KAZN: variants seen among roughly 807,000 people sequenced by gnomAD.
KAZN encodes the protein kazrin.
Under a neutral mutation model 87.4 loss-of-function variants are expected in KAZN, and 40 were observed. That is an observed-to-expected ratio of 0.46 (90% CI 0.36 to 0.60). The LOEUF (loss-of-function observed/expected upper bound fraction) is 0.60, where lower values mean the gene tolerates loss of function less well. Ranked by LOEUF, KAZN falls within the 20% of genes least tolerant of loss-of-function variation. KAZN has a pLI of 0.00. For synonymous variants in KAZN, 466 were observed against 458.3 expected, an observed-to-expected ratio of 1.02 and a Z score of -0.22; for missense variants, 898 against 1,073.9, an observed-to-expected ratio of 0.84 and a Z score of 2.29.
intron 1 of KAZN, among the ~76,000 whole-genome samples, chr1:14,177,235 A>C (rs563946): frequency 1.3e-5 from 2 of 152,006 alleles, no homozygotes; most frequent in African/African-American, 4.8e-5. Context: ...ACTCTATGTA[A>C]GTTATCAACC....
intron 1 of KAZN, among the ~76,000 whole-genome samples, chr1:14,793,258 G>A (rs1180542865): frequency 6.6e-6 from 1 of 152,136 alleles, no homozygotes; most frequent in Non-Finnish European, 1.5e-5. Flanking sequence ...GGGTAGCCTG[G>A]CTTTGCTAGA....
chr1:14,046,803 C>G (rs1642094907), intron 1 of KAZN, among the ~76,000 whole-genome samples: 1 of 152,236 alleles, frequency 6.6e-6, no homozygotes, highest in South Asian at 2.1e-4. Context: ...CATCTGGCAG[C>G]AGGCCCTGTG....
intron 1 of KAZN, among the ~76,000 whole-genome samples, chr1:14,047,071 G>A (rs1054602100): frequency 6.6e-6 from 1 of 152,070 alleles, no homozygotes; most frequent in Non-Finnish European, 1.5e-5. Context: ...CTGTGCATTC[G>A]TTCATCCTTC....
intron 2 of KAZN, among the ~76,000 whole-genome samples, chr1:14,325,508 C>T (rs185223344): frequency 1.3e-5 from 2 of 152,162 alleles, no homozygotes; most frequent in East Asian, 1.9e-4. Context: ...AGCATACCAA[C>T]ATGTGCATGG....
intron 1 of KAZN, among the ~76,000 whole-genome samples, chr1:14,669,742 G>A (rs975908404): frequency 2.0e-5 from 3 of 152,150 alleles, no homozygotes; most frequent in African/African-American, 7.2e-5. Flanking sequence ...ATGAGAGCCT[G>A]TCTCTAAGAA....
intron 2 of KAZN, among the ~76,000 whole-genome samples, chr1:14,263,369 G>C (rs975420633): frequency 2.0e-5 from 3 of 152,200 alleles, no homozygotes; most frequent in Non-Finnish European, 4.4e-5. Flanking sequence ...CTCATTTTTA[G>C]ATGGCAAGCT....
At chr1:14,800,036 C>T (rs939184013) in intron 1 of KAZN, among the ~76,000 whole-genome samples, 1 of 152,114 alleles carries the variant, frequency 6.6e-6, no homozygotes. Context: ...GTATGAGTGT[C>T]GTGGGGACTC....
intron 1 of KAZN, among the ~76,000 whole-genome samples, chr1:14,887,453 T>C (rs1572734785): frequency 6.6e-6 from 1 of 152,338 alleles, no homozygotes; most frequent in Non-Finnish European, 1.5e-5. Flanking sequence ...GTCAGCAAGC[T>C]AGGGGTACCA....
chr1:14,542,363 G>T (rs376234019), intron 2 of KAZN, among the ~76,000 whole-genome samples: 1 of 151,744 alleles, frequency 6.6e-6, no homozygotes, highest in South Asian at 2.1e-4. Context: ...GTTAATGGGT[G>T]CAGCACACCA....
chr1:14,335,825 A>T lies in KAZN; in HGVS notation c.249+155233A>T, dbSNP rs139258018. Among the ~76,000 whole-genome samples, 1,015 of 152,298 alleles carry T rather than the reference A, an allele frequency of 6.7e-3. 13 individuals are homozygous for T. Among genetic ancestry groups the T allele is most frequent in the African/African-American group, 0.023 (964 of 41,552 alleles). ...GAGATGGAAGGACAGAAAGTCAGAG[A>T]AACAGATGGACAGGGAAGCTCTCAC... On this transcript the variant is annotated intron_variant, in intron 2 of 16. Transcript: ENST00000636203.
chr1:14,102,221 T>C (rs1457944218), intron 1 of KAZN, among the ~76,000 whole-genome samples: 2 of 151,928 alleles, frequency 1.3e-5, no homozygotes, highest in Middle Eastern at 3.2e-3. Flanking sequence ...TGGGTTTACG[T>C]GCCCACAGGG....
chr1:14,880,649 G>T (rs192423434), intron 1 of KAZN, among the ~76,000 whole-genome samples: 1 of 152,146 alleles, frequency 6.6e-6, no homozygotes, highest in Non-Finnish European at 1.5e-5. Flanking sequence ...GACTTCACTC[G>T]TCTAAATAAG....
intron 1 of KAZN, among the ~76,000 whole-genome samples, chr1:14,783,678 A>G (rs1645421080): frequency 6.6e-6 from 1 of 152,174 alleles, no homozygotes; most frequent in Non-Finnish European, 1.5e-5. Context: ...GCCTGCCTGA[A>G]GAAGTCATGG....
rs146143582 is a variant in KAZN at position 14,922,575 on chromosome 1, C to G, written c.227-38109C>G. On this transcript the variant is annotated intron_variant, in intron 1 of 14. Coordinates refer to ENST00000376030, the MANE Select transcript of KAZN (RefSeq NM_201628.3). ...TTGGGAGGCCGAGGCTGGCGCATCACCAGATCAGGAGTTCGAGACCAGCCT... is the reference window on the plus strand; with the variant it reads ...TTGGGAGGCCGAGGCTGGCGCATCAGCAGATCAGGAGTTCGAGACCAGCCT... Among the ~76,000 whole-genome samples the G allele has an allele frequency of 3.8e-3, 573 of 152,120 alleles. 6 individuals carry two copies. Among genetic ancestry groups the G allele is most frequent in the African/African-American group, 0.013 (525 of 41,496 alleles).
At chr1:14,310,328 C>T (rs1655197770) in intron 2 of KAZN, among the ~76,000 whole-genome samples, 1 of 152,114 alleles carries the variant, frequency 6.6e-6, no homozygotes, top group Non-Finnish European at 1.5e-5. Context: ...GCATTTCTTT[C>T]CACAGGCAGT....
chr1:13,923,142 C>G (rs556363004), intron 1 of KAZN, among the ~76,000 whole-genome samples: 1 of 152,270 alleles, frequency 6.6e-6, no homozygotes, highest in African/African-American at 2.4e-5. Flanking sequence ...TACCAATAGC[C>G]TACTGCTGAC....
chr1:14,496,604 G>T, intron 2 of KAZN, among the ~76,000 whole-genome samples: 1 of 152,154 alleles, frequency 6.6e-6, no homozygotes, highest in East Asian at 1.9e-4. Context: ...TTATTATAAT[G>T]ATAGATGAGG....
chr1:15,062,283 T>C (rs1337056333), intron 6 of KAZN: 2 of 152,646 alleles, frequency 1.3e-5, no homozygotes, highest in Non-Finnish European at 2.9e-5. Flanking sequence ...GCAGGCCCCA[T>C]TCTCTTTACC....
intron 2 of KAZN, among the ~76,000 whole-genome samples, chr1:14,591,850 G>A (rs1004712203): frequency 2.0e-5 from 3 of 152,154 alleles, no homozygotes; most frequent in African/African-American, 7.2e-5. Context: ...TGAACGCATA[G>A]ATTTCCATCT....
Sources: gnomAD v4.1 joint callset for allele counts (sites outside exome capture counted in the v4.1 genomes callset) on GRCh38, gnomAD v4.1.1 for gene constraint, MANE v1.5 for transcripts, NCBI Gene and HGNC (gene_info 2026-07-23, HGNC 2026-07-21) for gene names.